Variants in CTNNA2 observed in about 807,000 individuals in gnomAD.
CTNNA2 encodes catenin alpha 2.
CTNNA2 carries 42 observed loss-of-function variants against 101.0 expected under a neutral mutation model. The observed-to-expected ratio is 0.42, with a 90% CI of 0.32 to 0.54. The LOEUF (loss-of-function observed/expected upper bound fraction) is 0.54. Among genes scored for constraint, CTNNA2 ranks in the 20% least tolerant of loss-of-function variants. The pLI is 0.14. For missense variants in CTNNA2, 871 were observed against 1,223.1 expected (o/e 0.71, Z 4.29); for synonymous variants, 450 against 456.4 (o/e 0.99, Z 0.18).
At chr2:79,732,374 C>G (rs141177034) in intron 2 of CTNNA2, among the ~76,000 whole-genome samples, 18 of 151,886 alleles carry the variant, frequency 1.2e-4, no homozygotes, top group Non-Finnish European at 2.6e-4. Flanking sequence ...TTGTTCCTAG[C>G]AATTCATAGA....
chr2:79,789,265 G>A (rs1286303985), intron 3 of CTNNA2, among the ~76,000 whole-genome samples: 1 of 152,072 alleles, frequency 6.6e-6, no homozygotes, highest in Non-Finnish European at 1.5e-5. Flanking sequence ...AATGTGAAAG[G>A]CTATCAAAAG....
intron 3 of CTNNA2, among the ~76,000 whole-genome samples, chr2:79,316,442 G>T (rs1254438220): frequency 6.6e-6 from 1 of 151,942 alleles, no homozygotes; most frequent in African/African-American, 2.4e-5. Flanking sequence ...TGAATTTTAG[G>T]ATTTTCTTGT....
intron 1 of CTNNA2, among the ~76,000 whole-genome samples, chr2:79,604,171 G>A (rs556795989): frequency 3.9e-5 from 6 of 152,274 alleles, no homozygotes; most frequent in East Asian, 1.9e-4. Flanking sequence ...TCTGTGTGTC[G>A]TTATTCAGTG....
At position 79,217,085 on chromosome 2, in the gene CTNNA2, C is replaced by T. The variant is rs564683285; in HGVS notation, c.-406+19009C>T. Among the ~76,000 whole-genome samples the T allele has an allele frequency of 6.6e-5, 10 of 152,032 alleles. No individual in the cohort carries two copies. The South Asian group carries it at 8.3e-4, about 13-fold the overall frequency. ...AGAGAAGGGAGAGATTGAAGGGTGGCGCCAATATTGAAAGGAGATAGTGGT... is the reference window on the plus strand; with the variant it reads ...AGAGAAGGGAGAGATTGAAGGGTGGTGCCAATATTGAAAGGAGATAGTGGT... On this transcript the variant is annotated intron_variant, in intron 2 of 21. Transcript: ENST00000466387.
intron 4 of CTNNA2, among the ~76,000 whole-genome samples, chr2:79,399,633 G>T (rs1350357856): frequency 6.6e-6 from 1 of 151,910 alleles, no homozygotes; most frequent in East Asian, 1.9e-4. Context: ...GTGTGTGGGG[G>T]TGATCATCTT....
At chr2:80,264,722 A>G (rs1672875011) in intron 7 of CTNNA2, among the ~76,000 whole-genome samples, 1 of 152,186 alleles carries the variant, frequency 6.6e-6, no homozygotes, top group Non-Finnish European at 1.5e-5. Context: ...CTTGAAGAAT[A>G]TGTGTCATAC....
intron 4 of CTNNA2, among the ~76,000 whole-genome samples, chr2:79,474,788 T>C (rs1458324095): frequency 6.6e-6 from 1 of 152,156 alleles, no homozygotes; most frequent in Non-Finnish European, 1.5e-5. Context: ...ATCAATTCAA[T>C]TAGGTTGCTG....
intron 1 of CTNNA2, among the ~76,000 whole-genome samples, chr2:79,533,196 C>A (rs546715583): frequency 1.3e-5 from 2 of 152,076 alleles, no homozygotes; most frequent in Non-Finnish European, 2.9e-5. Context: ...TTTGTTACAC[C>A]TTTTCTTAGA....
chr2:80,144,449 G>A (rs1021783834), intron 7 of CTNNA2, among the ~76,000 whole-genome samples: 4 of 152,180 alleles, frequency 2.6e-5, no homozygotes, highest in African/African-American at 9.7e-5. Context: ...AAGTACAAAT[G>A]TAAGAATACA....
At chr2:79,848,339 T>G (rs1401120608) in intron 3 of CTNNA2, among the ~76,000 whole-genome samples, 2 of 152,202 alleles carry the variant, frequency 1.3e-5, no homozygotes, top group Non-Finnish European at 2.9e-5. Flanking sequence ...ATTTTTCTCT[T>G]AAGCTTAGAT....
chr2:80,595,488 C>A (rs1258902274), intron 15 of CTNNA2, among the ~76,000 whole-genome samples: 1 of 152,150 alleles, frequency 6.6e-6, no homozygotes, highest in Admixed American at 6.5e-5. Flanking sequence ...ATTGCACTGG[C>A]TGGGATTTCC....
intron 1 of CTNNA2, among the ~76,000 whole-genome samples, chr2:79,636,219 G>A (rs1179733751): frequency 7.3e-6 from 1 of 137,342 alleles, no homozygotes; most frequent in Non-Finnish European, 1.5e-5. Context: ...GCAGTGAGCC[G>A]AGATCGCGCC....
chr2:79,415,273 A>G (rs1553409880), intron 4 of CTNNA2, among the ~76,000 whole-genome samples: 1 of 152,170 alleles, frequency 6.6e-6, no homozygotes, highest in Non-Finnish European at 1.5e-5. Flanking sequence ...CTCTTGCCAC[A>G]TGACATGCCT....
chr2:79,983,784 C>G (rs1449502353), intron 7 of CTNNA2, among the ~76,000 whole-genome samples: 1 of 152,160 alleles, frequency 6.6e-6, no homozygotes, highest in Non-Finnish European at 1.5e-5. Context: ...TGCTTAATTA[C>G]TAGTACTGCA....
At chr2:79,675,606 T>G (rs2104608968) in intron 2 of CTNNA2, among the ~76,000 whole-genome samples, 1 of 152,286 alleles carries the variant, frequency 6.6e-6, no homozygotes, top group African/African-American at 2.4e-5. Flanking sequence ...AAGCATTTGG[T>G]ATTTCTTTAT....
chr2:79,894,501 G>A (rs983511028), intron 6 of CTNNA2, among the ~76,000 whole-genome samples: 1 of 152,052 alleles, frequency 6.6e-6, no homozygotes, highest in African/African-American at 2.4e-5. Context: ...ATCTCCCATT[G>A]CATAGCCTCC....
chr2:79,463,046 A>C (rs1670896167), intron 4 of CTNNA2, among the ~76,000 whole-genome samples: 1 of 152,152 alleles, frequency 6.6e-6, no homozygotes, highest in African/African-American at 2.4e-5. Context: ...TAACTTCTCT[A>C]TTCTATTAAC....
At chr2:79,765,359 A>T (rs1673078291) in intron 3 of CTNNA2, among the ~76,000 whole-genome samples, 1 of 152,342 alleles carries the variant, frequency 6.6e-6, no homozygotes, top group African/African-American at 2.4e-5. Flanking sequence ...TATCTAAATT[A>T]TCTGCATTCC....
intron 1 of CTNNA2, among the ~76,000 whole-genome samples, chr2:79,191,006 A>C (rs1193206836): frequency 6.6e-6 from 1 of 152,074 alleles, no homozygotes; most frequent in Non-Finnish European, 1.5e-5. Flanking sequence ...CTACCTTTTC[A>C]TACATAAGAG....
Sources: allele counts gnomAD v4.1 joint callset (sites outside exome capture counted in the v4.1 genomes callset), GRCh38; gene constraint gnomAD v4.1.1; transcripts MANE v1.5; gene names NCBI Gene and HGNC (gene_info 2026-07-23, HGNC 2026-07-21).